MSN: variants seen among roughly 807,000 people sequenced by gnomAD.
MSN encodes the protein epididymis luminal protein 70.
A neutral mutation model predicts 48.0 loss-of-function variants in MSN; 2 were observed. That is an observed-to-expected ratio of 0.04 (90% confidence interval 0.02 to 0.13). MSN has a LOEUF of 0.13. Among genes scored for constraint, MSN ranks in the 10% least tolerant of loss-of-function variants. The pLI is 1.00. For missense variants in MSN, 267 were observed against 470.1 expected (o/e 0.57, Z 3.99); for synonymous variants, 146 against 166.9 (o/e 0.87, Z 0.97).
intron 1 of MSN, among the ~76,000 whole-genome samples, chrX:65,652,822 G>A (rs2070752185): frequency 9.0e-6 from 1 of 111,105 alleles, no homozygotes; most frequent in Non-Finnish European, 1.9e-5. Context: ...ATTGGGACAC[G>A]TAGCCTAGAT....
chrX:65,651,979 G>A (rs1362293443), intron 1 of MSN, among the ~76,000 whole-genome samples: 1 of 107,850 alleles, frequency 9.3e-6, no homozygotes, highest in Non-Finnish European at 1.9e-5. Flanking sequence ...GGCCAGGCAT[G>A]GTGGCTCACG....
At chrX:65,639,166 G>T (rs1020580234) in intron 1 of MSN, among the ~76,000 whole-genome samples, 2 of 111,396 alleles carry the variant, frequency 1.8e-5, no homozygotes, top group Non-Finnish European at 3.8e-5. Context: ...TTTCTGAGAT[G>T]GAGTTTTACT....
chrX:65,664,743 G>A (rs958368637), upstream of MSN, among the ~76,000 whole-genome samples: 1 of 93,938 alleles, frequency 1.1e-5, no homozygotes, highest in African/African-American at 4.0e-5. Flanking sequence ...GGACTTCTAT[G>A]CCCCCTTTCT....
intron 1 of MSN, among the ~76,000 whole-genome samples, chrX:65,680,025 T>C (rs953782592): frequency 1.8e-5 from 2 of 112,291 alleles, no homozygotes; most frequent in Admixed American, 9.5e-5. Flanking sequence ...AAGCTTCTCA[T>C]TCTTCCTAGG....
At chrX:65,725,311 T>C (rs1344874783) in intron 2 of MSN, among the ~76,000 whole-genome samples, 2 of 112,165 alleles carry the variant, frequency 1.8e-5, no homozygotes, top group Non-Finnish European at 3.8e-5. Context: ...ACTGCTCTAC[T>C]ACTTCTGTTC....
At chrX:65,718,274 C>G (rs749713972) in intron 2 of MSN, among the ~76,000 whole-genome samples, 4 of 109,292 alleles carry the variant, frequency 3.7e-5, no homozygotes, top group Admixed American at 2.9e-4. Context: ...ATCCCCTCCC[C>G]CCGAGAAATA....
intron 1 of MSN, among the ~76,000 whole-genome samples, chrX:65,636,769 A>C (rs897180340): frequency 7.8e-5 from 8 of 102,090 alleles, no homozygotes; most frequent in Admixed American, 2.1e-4. Flanking sequence ...AAAAAAAAAA[A>C]AAAAACCAGA....
intron 1 of MSN, among the ~76,000 whole-genome samples, chrX:65,660,061 A>T (rs1464969964): frequency 9.0e-6 from 1 of 111,623 alleles, no homozygotes; most frequent in Non-Finnish European, 1.9e-5. Context: ...GCCGTCTTAA[A>T]GAACAAGATA....
intron 4 of MSN, 120 bp downstream of exon 4, chrX:65,729,832 CTG>C (rs1205643104): frequency 4.2e-6 from 3 of 708,126 alleles, no homozygotes; most frequent in Non-Finnish European, 4.1e-6. Context: ...TGTCTGAAGA[CTG>C]TGTTATGCTG....
At chrX:65,618,230 G>T (rs1298691668) in intron 1 of MSN, among the ~76,000 whole-genome samples, 3 of 111,455 alleles carry the variant, frequency 2.7e-5, no homozygotes, top group South Asian at 3.7e-4. Flanking sequence ...GGTCCGCTTG[G>T]TGCAGAGCTG....
At chrX:65,699,841 A>G (rs1392752828) in intron 1 of MSN, among the ~76,000 whole-genome samples, 2 of 111,233 alleles carry the variant, frequency 1.8e-5, no homozygotes, top group Non-Finnish European at 3.8e-5. Context: ...TTGGAAAGGT[A>G]AAGAACAGAA....
intron 1 of MSN, among the ~76,000 whole-genome samples, chrX:65,704,844 A>G (rs1246927270): frequency 9.6e-6 from 1 of 103,994 alleles, no homozygotes; most frequent in Non-Finnish European, 2.0e-5. Context: ...ATCTTGGCTC[A>G]CTGCAATCTC....
chrX:65,594,456 T>C (rs1172220084), intron 1 of MSN, among the ~76,000 whole-genome samples: 1 of 111,110 alleles, frequency 9.0e-6, no homozygotes, highest in East Asian at 2.8e-4. Flanking sequence ...GACTAGGATG[T>C]AATGGAAAGC....
At chrX:65,679,696 C>T (rs773004398) in intron 1 of MSN, among the ~76,000 whole-genome samples, 5 of 112,505 alleles carry the variant, frequency 4.4e-5, no homozygotes, top group African/African-American at 9.7e-5. Context: ...TCCTCCTTTT[C>T]GTCCTTCTCA....
At chrX:65,615,880 G>A (rs1252451431) in intron 1 of MSN, among the ~76,000 whole-genome samples, 1 of 111,000 alleles carries the variant, frequency 9.0e-6, no homozygotes. Context: ...ATTGATTTTT[G>A]TATAAGGTGT....
chrX:65,665,426 T>C (rs1479311233), upstream of MSN, among the ~76,000 whole-genome samples: 1 of 112,139 alleles, frequency 8.9e-6, no homozygotes, highest in Admixed American at 9.5e-5. Context: ...GGCTTTCCGA[T>C]GAGTGCTGCT....
chrX:65,596,510 T>G (rs1371929219), intron 1 of MSN, among the ~76,000 whole-genome samples: 1 of 111,005 alleles, frequency 9.0e-6, no homozygotes, highest in African/African-American at 3.3e-5. Context: ...GAGAACATAA[T>G]TGCTAGCTGG....
intron 5 of MSN, 36 bp from the exon 6 acceptor site, chrX:65,731,802 G>A (rs772510361): frequency 1.7e-6 from 2 of 1,194,387 alleles, no homozygotes; most frequent in South Asian, 3.7e-5. Flanking sequence ...TGACTCACAA[G>A]CCCCACTTTG....
At chrX:65,604,290 G>T (rs1277682551) in intron 1 of MSN, among the ~76,000 whole-genome samples, 1 of 111,966 alleles carries the variant, frequency 8.9e-6, no homozygotes, top group Admixed American at 9.5e-5. Flanking sequence ...GTAGGGTTGT[G>T]GTGCACGTGG....
Sources: allele counts gnomAD v4.1 joint callset (sites outside exome capture counted in the v4.1 genomes callset), GRCh38; gene constraint gnomAD v4.1.1; transcripts MANE v1.5; gene names NCBI Gene and HGNC (gene_info 2026-07-23, HGNC 2026-07-21).